DNALI1: variants seen among roughly 807,000 people sequenced by gnomAD.
DNALI1 encodes the protein axonemal dynein light intermediate polypeptide 1.
A neutral mutation model predicts 33.9 loss-of-function variants in DNALI1; 31 were observed. The ratio of observed to expected loss-of-function variants is 0.91; its 90% CI spans 0.69 to 1.23. The LOEUF is 1.23. Ranked by LOEUF, DNALI1 falls within the 50% of genes most tolerant of loss-of-function variation. The probability of loss-of-function intolerance (pLI) is 0.00; values close to 1 mark genes in which losing one functional copy is unlikely to be tolerated. For missense variants in DNALI1, 305 were observed against 323.8 expected, an observed-to-expected ratio of 0.94 and a Z score of 0.44; for synonymous variants, 117 against 129.2, an observed-to-expected ratio of 0.91 and a Z score of 0.64.
At position 37,556,953 on chromosome 1, in the gene DNALI1, A is replaced by C. The variant is rs780088232; in HGVS notation, c.-42A>C. ...CATGGTGACGGCAAACAAGGCCCAC[A>C]CTGGACAGGGCAGCTGCTGGGTTGC... On this transcript the variant is annotated 5_prime_UTR_variant, in exon 1 of 6. Coordinates refer to ENST00000652629, the MANE Select transcript of DNALI1 (RefSeq NM_003462.5). 2 of 1,614,208 alleles carry C rather than the reference A, an allele frequency of 1.2e-6. No homozygotes were observed. Among genetic ancestry groups the C allele is most frequent in the Non-Finnish European group, 8.5e-7 (1 of 1,180,030 alleles).
rs773394668 is a variant in DNALI1 at position 37,557,604 on chromosome 1, C to T, written c.83C>T (p.Ala28Val). The change falls in exon 2 of 6, where the codon GCT becomes GTT. Residue 28 changes from alanine to valine, a missense_variant and splice_region_variant. Coordinates refer to ENST00000652629, the MANE Select transcript of DNALI1 (RefSeq NM_003462.5). Reference sequence around the variant, plus strand: ...CCCTCACCTGTGCCTTCATCTCAGGCTCGGCTACTGAAAGTCAGCCCCCAG... The same window carrying T: ...CCCTCACCTGTGCCTTCATCTCAGGTTCGGCTACTGAAAGTCAGCCCCCAG... ...SRNTEKRSPK[A>V]RLLKVSPQQP... The T allele has an allele frequency of 1.9e-6, 3 of 1,612,596 alleles. No individual in the cohort carries two copies. Among genetic ancestry groups the T allele is most frequent in the Non-Finnish European group, 2.5e-6 (3 of 1,179,360 alleles).
rs770135365 is a variant in DNALI1 at position 37,557,690 on chromosome 1, T to G, written c.169T>G (p.Cys57Gly). ...PPKTKLPSTPCVPDPTKQAEE... is the reference protein window; with the variant it reads ...PPKTKLPSTPGVPDPTKQAEE... Reference sequence around the variant, plus strand: ...CAAGACCAAGCTCCCCTCAACTCCCTGTGTCCCAGATCCTACAAAGCAGGC... The same window carrying G: ...CAAGACCAAGCTCCCCTCAACTCCCGGTGTCCCAGATCCTACAAAGCAGGC... The change falls in exon 2 of 6, where the codon TGT (cysteine) becomes GGT (glycine). Residue 57 changes from cysteine to glycine, a missense_variant. Cys to Gly is a radical substitution (Grantham distance 159, BLOSUM62 -3). Coordinates refer to ENST00000652629, the MANE Select transcript of DNALI1 (RefSeq NM_003462.5). The G allele has an allele frequency of 3.0e-5, 48 of 1,614,028 alleles. No individual in the cohort carries two copies. In the African/African-American group the frequency reaches 5.2e-4, roughly 17 times the overall value.
intron 5 of DNALI1, among the ~76,000 whole-genome samples, chr1:37,563,313 CCTTAGCAGCCTCTGAGGCTG>C (rs1198027537): frequency 1.3e-5 from 2 of 152,208 alleles, no homozygotes; most frequent in African/African-American, 4.8e-5. Context: ...GAATCTGTTT[CCTTAGCAGCCTCTGAGGCTG>C]CTTTCCTTAA....
At position 37,561,309 on chromosome 1, in the gene DNALI1, T is replaced by G. The variant is rs1643435350; in HGVS notation, c.398-248T>G. Reference sequence around the variant, plus strand: ...ACAAACCAGAGCCTCTTGTCTCCTTTGCTCTGGCCAACCCAGTCTTGCTGA... The same window carrying G: ...ACAAACCAGAGCCTCTTGTCTCCTTGGCTCTGGCCAACCCAGTCTTGCTGA... On this transcript the variant is annotated intron_variant, in intron 3 of 5. Coordinates refer to ENST00000652629, the MANE Select transcript of DNALI1 (RefSeq NM_003462.5). This position sits in a 1 kb window ranked among gnomAD's most constrained non-coding sequence, Gnocchi z 4.6. 2.1e-6 allele frequency: 1 copy of G among 479,214 alleles called. No individual in the cohort carries two copies. The highest frequency in any genetic ancestry group is 3.8e-6 in the Non-Finnish European group (1 of 265,204). 29.7% of individuals were successfully genotyped at this position (479,214 alleles called of 1,614,324 possible).
Position 37,566,034 on chromosome 1 carries a change from G to A in DNALI1, c.*973G>A, listed in dbSNP as rs531273234. On this transcript the variant is annotated 3_prime_UTR_variant, in exon 6 of 6. Coordinates refer to ENST00000652629, the MANE Select transcript of DNALI1 (RefSeq NM_003462.5). ...TTCATCCTTCAGTTAGGCTGCACAA[G>A]TAACATTACCTAAAAGGCACTAACA... 6.6e-6 allele frequency: 1 copy of A among 152,302 alleles called. No individual in the cohort carries two copies. Among genetic ancestry groups the A allele is most frequent in the South Asian group, 2.1e-4 (1 of 4,824 alleles). The allele number at this position is 152,302 out of a possible 1,614,324, so 9.4% of individuals were successfully genotyped here. A position where few individuals can be genotyped will look rare whatever the true frequency, so the allele number is the denominator to read the frequency against.
In DNALI1 at chr1:37,562,275, G is replaced by GC; in HGVS notation, c.741+35dup. 7 of 1,597,990 alleles carry GC rather than the reference G, an allele frequency of 4.4e-6. No homozygotes were observed. The highest frequency in any genetic ancestry group is 6.0e-6 in the Non-Finnish European group (7 of 1,172,062). Reference sequence around the variant, plus strand: ...TCAACGCGCAGGGTGGGGTGGAGGTGCCCCCTGCCCTGCGACCCAGCCCCA... The same window carrying GC: ...TCAACGCGCAGGGTGGGGTGGAGGTGCCCCCCTGCCCTGCGACCCAGCCCCA... On this transcript the variant is annotated intron_variant, in intron 5 of 5. Coordinates refer to ENST00000652629, the MANE Select transcript of DNALI1 (RefSeq NM_003462.5). The surrounding 1 kb of genome is among the most constrained non-coding windows in gnomAD (Gnocchi z 5.8).
At position 37,559,264 on chromosome 1, in the gene DNALI1, T is replaced by C. The variant is rs1643407813; in HGVS notation, c.228-63T>C. The C allele has an allele frequency of 6.7e-7, 1 of 1,485,212 alleles. No homozygotes were observed. The highest frequency in any genetic ancestry group is 2.2e-5 in the Admixed American group (1 of 45,646). The allele number at this position is 1,485,212 out of a possible 1,614,324, so 92.0% of individuals were successfully genotyped here. On this transcript the variant is annotated intron_variant, in intron 2 of 5. Coordinates refer to ENST00000652629, the MANE Select transcript of DNALI1 (RefSeq NM_003462.5). This position sits in a 1 kb window ranked among gnomAD's most constrained non-coding sequence, Gnocchi z 5.3. ...CAGGCAGAGGGCTCAAAGGGCCCTC[T>C]GCTCATGTGCTAGGGACCTTCAAGT...
rs561991848 is a variant in DNALI1 at position 37,562,475 on chromosome 1, C to G, written c.741+230C>G. On this transcript the variant is annotated intron_variant, in intron 5 of 5. Coordinates refer to ENST00000652629, the MANE Select transcript of DNALI1 (RefSeq NM_003462.5). This position sits in a 1 kb window ranked among gnomAD's most constrained non-coding sequence, Gnocchi z 5.8. ...CAGCCTGGCTCTCCAGTGGAGGATT[C>G]TTCTCCCTGGAAAAAAGTTGCCCAT... Among the ~76,000 whole-genome samples the G allele has an allele frequency of 1.1e-4, 17 of 152,106 alleles. No homozygotes were observed. The highest frequency in any genetic ancestry group is 2.5e-4 in the Non-Finnish European group (17 of 68,008).
intron 5 of DNALI1, among the ~76,000 whole-genome samples, chr1:37,564,573 G>A (rs953866590): frequency 3.3e-5 from 5 of 152,006 alleles, no homozygotes; most frequent in Non-Finnish European, 5.9e-5. Flanking sequence ...AGTAGAGACG[G>A]GGTTTCACCG....
intron 2 of DNALI1, 170 bp downstream of exon 2, chr1:37,557,918 T>TC: frequency 1.2e-6 from 1 of 828,740 alleles, no homozygotes; most frequent in Non-Finnish European, 1.8e-6. Flanking sequence ...GTGGGAGACC[T>TC]CTTCTCAATC....
chr1:37,558,852 G>C (rs1643402652), intron 2 of DNALI1, among the ~76,000 whole-genome samples: 1 of 152,190 alleles, frequency 6.6e-6, no homozygotes, highest in Non-Finnish European at 1.5e-5. Flanking sequence ...AGCACAGTTG[G>C]TAAGGCTATG....
Position 37,561,568 on chromosome 1 carries a change from C to A in DNALI1, c.409C>A (p.Arg137=). 1 of 1,613,660 alleles carries A rather than the reference C, an allele frequency of 6.2e-7. No homozygotes were observed. Among genetic ancestry groups the A allele is most frequent in the East Asian group, 2.2e-5 (1 of 44,866 alleles). Residue 137 remains arginine (R), a synonymous_variant, in exon 4 of 6, where the codon CGG becomes AGG. Coordinates refer to ENST00000652629, the MANE Select transcript of DNALI1 (RefSeq NM_003462.5). The surrounding 1 kb of genome is among the most constrained non-coding windows in gnomAD (Gnocchi z 4.6). The stretch of plus-strand genomic sequence containing the variant: ...GTGTGCATTGGAAGATGAGTTGATC[C>A]GGGAGGTCACCATCAACTGTGCGGA... ...LYSQCFDELI[R]EVTINCAERG... is the part of the protein sequence containing the mutation.
In DNALI1 at chr1:37,566,358, C is replaced by G. The variant is rs1001198685; in HGVS notation, c.*1297C>G. 1 of 152,682 alleles carries G rather than the reference C, an allele frequency of 6.5e-6. No individual in the cohort carries two copies. The allele number at this position is 152,682 out of a possible 1,614,324, so 9.5% of individuals were successfully genotyped here. A position where few individuals can be genotyped will look rare whatever the true frequency, so the allele number is the denominator to read the frequency against. Reference sequence around the variant, plus strand: ...CACGAGATCTGCTAGTTCCAGGCCTCTAAGACAGGAACGTATGTGCCATAA... The same window carrying G: ...CACGAGATCTGCTAGTTCCAGGCCTGTAAGACAGGAACGTATGTGCCATAA... On this transcript the variant is annotated 3_prime_UTR_variant, in exon 6 of 6. Coordinates refer to ENST00000652629, the MANE Select transcript of DNALI1 (RefSeq NM_003462.5).
Position 37,561,651 on chromosome 1 carries a change from C to T in DNALI1, c.492C>T (p.Tyr164=), listed in dbSNP as rs571619096. The change falls in exon 4 of 6, where the codon TAC becomes TAT. Residue 164 remains tyrosine (Y), a synonymous_variant. Transcript: ENST00000652629. The surrounding 1 kb of genome is among the most constrained non-coding windows in gnomAD (Gnocchi z 4.6). ...AGATCCGCATGACCATCGCTGCCTA[C>T]CAGACCCTGTACGAGAGCAGCGTGG... ...RDEIRMTIAA[Y]QTLYESSVAF... 26 of 1,614,072 alleles carry T rather than the reference C, an allele frequency of 1.6e-5. No individual in the cohort carries two copies. The African/African-American group carries it at 1.9e-4, about 12-fold the overall frequency.
chr1:37,562,494 T>G lies in DNALI1; in HGVS notation c.741+249T>G, dbSNP rs759376770. 1.6e-4 allele frequency among the ~76,000 whole-genome samples: 25 copies of G among 152,064 alleles called. No individual in the cohort carries two copies. The highest frequency in any genetic ancestry group is 7.9e-4 in the Admixed American group (12 of 15,270). On this transcript the variant is annotated intron_variant, in intron 5 of 5. Transcript: ENST00000652629. The surrounding 1 kb of genome is among the most constrained non-coding windows in gnomAD (Gnocchi z 5.8). ...AGGATTCTTCTCCCTGGAAAAAAGT[T>G]GCCCATCCTCAAGGAAGAGGTGGAT...
Position 37,562,448 on chromosome 1 carries a change from C to T in DNALI1, c.741+203C>T, listed in dbSNP as rs1643452513. On this transcript the variant is annotated intron_variant, in intron 5 of 5. Transcript: ENST00000652629. The surrounding 1 kb of genome is among the most constrained non-coding windows in gnomAD (Gnocchi z 5.8). ...TCTCAACTCCAAATCTCTGAGGCGC[C>T]TCAGCCTGGCTCTCCAGTGGAGGAT... is the stretch of plus-strand genomic sequence containing the variant. 6.6e-6 allele frequency among the ~76,000 whole-genome samples: 1 copy of T among 152,144 alleles called. No homozygotes were observed. The highest frequency in any genetic ancestry group is 1.5e-5 in the Non-Finnish European group (1 of 68,024).
rs1473199486 is a variant in DNALI1 at position 37,559,313 on chromosome 1, T to G, written c.228-14T>G. On this transcript the variant is annotated splice_polypyrimidine_tract_variant and intron_variant, in intron 2 of 5. Transcript: ENST00000652629. This position sits in a 1 kb window ranked among gnomAD's most constrained non-coding sequence, Gnocchi z 5.3. ...GTCAACGGGTTTTGCTCAGCCTCGC[T>G]GTGTCTGCCACAGGGAGTGGGTGGA... is the stretch of plus-strand genomic sequence containing the variant. 2.5e-6 allele frequency: 4 copies of G among 1,581,020 alleles called. No homozygotes were observed. The highest frequency in any genetic ancestry group is 1.7e-5 in the Admixed American group (1 of 57,174).
chr1:37,561,982 A>G lies in DNALI1; in HGVS notation c.577-99A>G, dbSNP rs1046988186. On this transcript the variant is annotated intron_variant, in intron 4 of 5. Transcript: ENST00000652629. The surrounding 1 kb of genome is among the most constrained non-coding windows in gnomAD (Gnocchi z 4.6). ...CTGACCTCCCACTGGGTGGCAGTAT[A>G]TACCCTGGCAATGTCATGTCCCATG... 3.8e-6 allele frequency: 6 copies of G among 1,559,552 alleles called. No individual in the cohort carries two copies. In the African/African-American group the frequency reaches 8.1e-5, roughly 21 times the overall value.
rs779254043 is a variant in DNALI1, at chr1:37,559,410, A to G, written c.311A>G (p.Glu104Gly). The G allele has an allele frequency of 1.4e-5, 23 of 1,613,252 alleles. No individual in the cohort carries two copies. In the South Asian group the frequency reaches 2.5e-4, roughly 18 times the overall value. ...AGGATGGACGTGGTGCACCTCCAGG[A>G]GCAGTTAGACTTAAAGCTGCAGCAG... is the stretch of plus-strand genomic sequence containing the variant. Reference protein sequence around the residue: ...STRMDVVHLQEQLDLKLQQRQ... With the variant: ...STRMDVVHLQGQLDLKLQQRQ... Residue 104 changes from glutamate (E) to glycine (G), a missense_variant, in exon 3 of 6, where the codon GAG (glutamate) becomes GGG (glycine). Coordinates refer to ENST00000652629, the MANE Select transcript of DNALI1 (RefSeq NM_003462.5). This position sits in a 1 kb window ranked among gnomAD's most constrained non-coding sequence, Gnocchi z 5.3.
Sources: gnomAD v4.1 joint callset for allele counts (sites outside exome capture counted in the v4.1 genomes callset) on GRCh38, gnomAD v4.1.1 for gene constraint, Gnocchi (gnomAD v3.1) non-coding constraint, MANE v1.5 for transcripts, NCBI Gene and HGNC (gene_info 2026-07-23, HGNC 2026-07-21) for gene names.